Variants in KCTD21 observed in about 807,000 individuals in gnomAD.
The protein encoded by KCTD21 is BTB/POZ domain-containing protein KCTD21.
A neutral mutation model predicts 13.2 loss-of-function variants in KCTD21; 9 were observed. The ratio of observed to expected loss-of-function variants is 0.68; its 90% confidence interval spans 0.41 to 1.19. The LOEUF (loss-of-function observed/expected upper bound fraction) is 1.19. Among genes scored for constraint, KCTD21 ranks in the 50% most tolerant of loss-of-function variants. The pLI, the probability that KCTD21 is intolerant of heterozygous loss-of-function variation, is 0.01. For synonymous variants in KCTD21, 142 were observed against 137.4 expected (o/e 1.03, Z -0.23); for missense variants, 303 against 336.5 (o/e 0.90, Z 0.78).
chr11:78,183,051 C>T (rs908841441), intron 1 of KCTD21, among the ~76,000 whole-genome samples: 2 of 152,192 alleles, frequency 1.3e-5, no homozygotes, highest in Non-Finnish European at 2.9e-5. Flanking sequence ...TAGCTCTGCT[C>T]ACTCACAGAG....
intron 1 of KCTD21, among the ~76,000 whole-genome samples, chr11:78,178,937 G>A (rs1191033967): frequency 2.0e-5 from 3 of 152,156 alleles, no homozygotes; most frequent in Non-Finnish European, 4.4e-5. Context: ...AAGGGAGGGG[G>A]GCCTTGGATT....
chr11:78,181,907 T>C (rs186993832), intron 1 of KCTD21, among the ~76,000 whole-genome samples: 3 of 152,346 alleles, frequency 2.0e-5, no homozygotes, highest in Admixed American at 2.0e-4. Flanking sequence ...TAACCAATTA[T>C]ATATTGTTGT....
chr11:78,186,110 C>T (rs1238977872), intron 1 of KCTD21, among the ~76,000 whole-genome samples: 2 of 151,690 alleles, frequency 1.3e-5, no homozygotes, highest in African/African-American at 4.8e-5. Context: ...GGCTCAGTGG[C>T]TCATGCCTGT....
At chr11:78,184,338 TATTTA>T (rs1194026859) in intron 1 of KCTD21, among the ~76,000 whole-genome samples, 2 of 150,870 alleles carry the variant, frequency 1.3e-5, no homozygotes, top group Non-Finnish European at 2.9e-5. Flanking sequence ...TCTATTTATT[TATTTA>T]TTTATTTATT....
At chr11:78,187,593 T>G in intron 1 of KCTD21, 8 of 985,430 alleles carry the variant, frequency 8.1e-6, no homozygotes, top group Non-Finnish European at 8.4e-6. Context: ...CTTCACCTTG[T>G]GCTTTTCCTC....
rs1862280750 is a variant in KCTD21, at chr11:78,171,542, ATTGTT to A, written c.*2225_*2229del. ...GTGATTTGTAAGATTTCTTCCTCAA[ATTGTT>A]TTGTTATGACCACAGCTTCTGCTAC... On this transcript the variant is annotated 3_prime_UTR_variant, in exon 2 of 2. Coordinates refer to ENST00000340067, the MANE Select transcript of KCTD21 (RefSeq NM_001029859.3). 6.6e-6 allele frequency: 1 copy of A among 152,594 alleles called. No individual in the cohort carries two copies. Among genetic ancestry groups the A allele is most frequent in the African/African-American group, 2.4e-5 (1 of 41,454 alleles). 9.5% of individuals were successfully genotyped at this position (152,594 alleles called of 1,614,324 possible).
Position 78,173,724 on chromosome 11 carries a change from G to A in KCTD21, c.*48C>T, listed in dbSNP as rs776326346. 101 of 1,525,188 alleles carry A rather than the reference G, an allele frequency of 6.6e-5. No individual in the cohort carries two copies. Among genetic ancestry groups the A allele is most frequent in the Middle Eastern group, 1.8e-4 (1 of 5,714 alleles). 94.5% of individuals were successfully genotyped at this position (1,525,188 alleles called of 1,614,324 possible). On this transcript the variant is annotated 3_prime_UTR_variant, in exon 2 of 2. Coordinates refer to ENST00000340067, the MANE Select transcript of KCTD21 (RefSeq NM_001029859.3). ...GCGAGATGCCCTCCAAGACCTGGCT[G>A]ACATGAGCTTCCTGGGACTCCCCAT...
rs770281398 is a variant in KCTD21 at position 78,173,983 on chromosome 11, T to C, written c.572A>G (p.Asn191Ser). Residue 191 changes from asparagine to serine, a missense_variant, in exon 2 of 2, where the codon AAT becomes AGT. By Grantham distance (46) the Asn-to-Ser change is conservative (BLOSUM62 1). Transcript: ENST00000340067. Reference sequence around the variant, plus strand: ...CTCCTCCTCTGGCAGGCCCTCCACATTGGCCACCCAGTCCAGAGTCAGGTG... The same window carrying C: ...CTCCTCCTCTGGCAGGCCCTCCACACTGGCCACCCAGTCCAGAGTCAGGTG... ...PNHLTLDWVA[N>S]VEGLPEEEYT... The C allele has an allele frequency of 4.3e-6, 7 of 1,613,984 alleles. No homozygotes were observed. The highest frequency in any genetic ancestry group is 5.9e-6 in the Non-Finnish European group (7 of 1,180,008).
rs745895495 is a variant in KCTD21 at position 78,174,363 on chromosome 11, C to T, written c.192G>A (p.Arg64=). Residue 64 remains arginine (R), a synonymous_variant, in exon 2 of 2, where the codon CGG becomes CGA. Coordinates refer to ENST00000340067, the MANE Select transcript of KCTD21 (RefSeq NM_001029859.3). ...CCTCAGGCAGGTCAAGGTGGGAGGT[C>T]CGCAGGAAGTTGAGGATATAGCGGA... ...KVFRYILNFL[R]TSHLDLPEDF... 1 of 1,614,082 alleles carries T rather than the reference C, an allele frequency of 6.2e-7. No individual in the cohort carries two copies. The highest frequency in any genetic ancestry group is 8.5e-7 in the Non-Finnish European group (1 of 1,180,032).
intron 1 of KCTD21, chr11:78,176,984 G>A (rs1862469770): frequency 6.6e-6 from 1 of 152,326 alleles, no homozygotes; most frequent in Admixed American, 6.5e-5. Flanking sequence ...CAGAACTCCA[G>A]CCTGGCAGAC....
chr11:78,174,343 G>C lies in KCTD21; in HGVS notation c.212C>G (p.Pro71Arg). Residue 71 changes from proline to arginine, a missense_variant, in exon 2 of 2, where the codon CCT (proline) becomes CGT (arginine). Pro to Arg is a moderately radical substitution (Grantham distance 103). Transcript: ENST00000340067. ...NFLRTSHLDL[P>R]EDFQEMGLLR... ...CAGCCCCATCTCCTGGAAGTCCTCA[G>C]GCAGGTCAAGGTGGGAGGTCCGCAG... 1.2e-6 allele frequency: 2 copies of C among 1,614,130 alleles called. No homozygotes were observed. Among genetic ancestry groups the C allele is most frequent in the Non-Finnish European group, 1.7e-6 (2 of 1,180,046 alleles).
intron 1 of KCTD21, chr11:78,187,966 C>A (rs1264983485): frequency 1.1e-5 from 11 of 985,296 alleles, no homozygotes; most frequent in Non-Finnish European, 1.3e-5. Flanking sequence ...CTCTACTTTT[C>A]AGGGCGTGGG....
chr11:78,186,404 A>G (rs1590885555), intron 1 of KCTD21, among the ~76,000 whole-genome samples: 1 of 137,552 alleles, frequency 7.3e-6, no homozygotes, highest in East Asian at 2.1e-4. Flanking sequence ...AAAAAAAAAA[A>G]AAAGAAAAGA....
In KCTD21 at chr11:78,173,263, G is replaced by A. The variant is rs1046128141; in HGVS notation, c.*509C>T. On this transcript the variant is annotated 3_prime_UTR_variant, in exon 2 of 2. Transcript: ENST00000340067. ...ACAGCATTCCAAGCCAGCCAAACAT[G>A]GTCACCCCTGGGCAAACATCCACGA... 1 of 156,458 alleles carries A rather than the reference G, an allele frequency of 6.4e-6. No homozygotes were observed. Among genetic ancestry groups the A allele is most frequent in the Non-Finnish European group, 1.4e-5 (1 of 70,652 alleles). The allele number at this position is 156,458 out of a possible 1,614,324, so 9.7% of individuals were successfully genotyped here. A position where few individuals can be genotyped will look rare whatever the true frequency, so the allele number is the denominator to read the frequency against.
chr11:78,180,957 T>C lies in KCTD21; in HGVS notation c.-29-6374A>G, dbSNP rs149764724. On this transcript the variant is annotated intron_variant, in intron 1 of 1. Coordinates refer to ENST00000340067, the MANE Select transcript of KCTD21 (RefSeq NM_001029859.3). ...AGGGGTTTCCCCCTTCGCTTGGCAC[T>C]TCTCCTTGCTGCTGCCATGTGAAGA... 3.9e-3 allele frequency among the ~76,000 whole-genome samples: 597 copies of C among 152,294 alleles called. 6 individuals carry two copies. The highest frequency in any genetic ancestry group is 0.013 in the African/African-American group (557 of 41,542).
At chr11:78,180,507 AAC>A (rs1862585035) in intron 1 of KCTD21, among the ~76,000 whole-genome samples, 1 of 152,254 alleles carries the variant, frequency 6.6e-6, no homozygotes, top group South Asian at 2.1e-4. Flanking sequence ...CTTAAACAAA[AAC>A]AAAAACAAAA....
intron 1 of KCTD21, chr11:78,188,034 A>T (rs2137012609): frequency 3.0e-6 from 3 of 985,368 alleles, no homozygotes; most frequent in East Asian, 1.1e-4. Flanking sequence ...CTTTATTTCC[A>T]GTCAGTAAAG....
chr11:78,182,057 C>T (rs758382324), intron 1 of KCTD21, among the ~76,000 whole-genome samples: 9 of 152,264 alleles, frequency 5.9e-5, no homozygotes, highest in African/African-American at 1.2e-4. Context: ...GCATAGTCAC[C>T]GCCTTGCACT....
intron 1 of KCTD21, chr11:78,177,037 T>G (rs188185285): frequency 1.3e-5 from 2 of 152,128 alleles, no homozygotes; most frequent in Admixed American, 6.5e-5. Context: ...AACCCAACCT[T>G]TCAAGCATGC....
Sources: allele counts gnomAD v4.1 joint callset (sites outside exome capture counted in the v4.1 genomes callset), GRCh38; gene constraint gnomAD v4.1.1; transcripts MANE v1.5; gene names NCBI Gene and HGNC (gene_info 2026-07-23, HGNC 2026-07-21).